The following DHODH variants were observed in gnomAD, a reference collection of about 807,000 sequenced individuals.
The protein encoded by DHODH is dihydroorotate dehydrogenase (quinone), mitochondrial.
In DHODH, 30 loss-of-function variants were observed where a neutral mutation model predicts 39.7. The observed-to-expected ratio is 0.76, with a 90% CI of 0.57 to 1.02. The LOEUF is 1.02. Among genes scored for constraint, DHODH ranks in the 50% least tolerant of loss-of-function variants. DHODH has a pLI of 0.00. For missense variants in DHODH, 531 were observed against 520.8 expected (o/e 1.02, Z -0.19); for synonymous variants, 222 against 213.8 (o/e 1.04, Z -0.34).
In DHODH at chr16:72,017,770, CTTTT is replaced by C. The variant is rs71153696; in HGVS notation, c.517+679_517+682del. Among the ~76,000 whole-genome samples, 63 of 103,802 alleles carry C rather than the reference CTTTT, an allele frequency of 6.1e-4. 1 individual carries two copies. The highest frequency in any genetic ancestry group is 7.2e-3 in the Middle Eastern group (1 of 138). 68.1% of individuals were successfully genotyped at this position (103,802 alleles called of 152,430 possible). ...CTCTAAAAAAACCAAAAACAACATG[CTTTT>C]TTTTTTTTTTTTTTGAGACGGAGTC... On this transcript the variant is annotated intron_variant, in intron 4 of 8. Transcript: ENST00000219240.
At chr16:72,014,183 T>G (rs1230517243) in intron 2 of DHODH, among the ~76,000 whole-genome samples, 1 of 152,180 alleles carries the variant, frequency 6.6e-6, no homozygotes, top group Non-Finnish European at 1.5e-5. Flanking sequence ...TCGTCTCCGC[T>G]TCAACCCACG....
intron 3 of DHODH, chr16:72,016,442 T>G (rs981944716): frequency 6.0e-6 from 1 of 167,772 alleles, no homozygotes; most frequent in African/African-American, 2.4e-5. Flanking sequence ...ATGAGAGAAG[T>G]ATGAGATGTT....
intron 1 of DHODH, 86 bp downstream of exon 1, chr16:72,008,871 C>G: frequency 3.9e-6 from 6 of 1,550,256 alleles, no homozygotes; most frequent in Non-Finnish European, 5.2e-6. Context: ...GAGGCATGGA[C>G]CGAAGGCGGC....
Position 72,024,050 on chromosome 16 carries a change from G to A in DHODH, c.1134-95G>A, listed in dbSNP as rs543641795. On this transcript the variant is annotated intron_variant, in intron 8 of 8. Transcript: ENST00000219240. ...AGAGGAAACCAGATGTGCCTGGGCC[G>A]GGATGATGCGTTTCTGGGTGAACGT... is the stretch of plus-strand genomic sequence containing the variant. The A allele has an allele frequency of 1.3e-5, 17 of 1,286,518 alleles. No homozygotes were observed. The Admixed American group carries it at 1.8e-4, about 14-fold the overall frequency. 79.7% of individuals were successfully genotyped at this position (1,286,518 alleles called of 1,614,324 possible).
At chr16:72,017,809 C>T (rs1238509299) in intron 4 of DHODH, among the ~76,000 whole-genome samples, 5 of 124,858 alleles carry the variant, frequency 4.0e-5, no homozygotes, top group Non-Finnish European at 4.8e-5. Context: ...CTCGCTCTGT[C>T]GCCCCAGGCT....
In DHODH at chr16:72,017,070, CG is replaced by C. The variant is rs760002263; in HGVS notation, c.484del (p.Ala162ProfsTer49). 1 of 1,613,838 alleles carries C rather than the reference CG, an allele frequency of 6.2e-7. No homozygotes were observed. Among genetic ancestry groups the C allele is most frequent in the Middle Eastern group, 1.6e-4 (1 of 6,062 alleles). ...GCTTTCAGTGGTGGAACACAGGTTA[CG>C]GGCCAGACAGCAGAAGCAGGCCAAG... ...HGLSVVEHRL[R>X]ARQQKQAKLT... On this transcript the variant is annotated frameshift_variant, in exon 4 of 9. Coordinates refer to ENST00000219240, the MANE Select transcript of DHODH (RefSeq NM_001361.5). LOFTEE classifies it high-confidence loss of function.
intron 2 of DHODH, among the ~76,000 whole-genome samples, chr16:72,012,901 C>T (rs1274450489): frequency 3.3e-5 from 5 of 152,190 alleles, no homozygotes; most frequent in South Asian, 4.1e-4. Flanking sequence ...CCAGTGTCAG[C>T]GGAAGGCTAA....
chr16:72,016,961 G>A (rs888748336), intron 3 of DHODH, 63 bp from the exon 4 acceptor site: 50 of 1,448,446 alleles, frequency 3.5e-5, no homozygotes, highest in Non-Finnish European at 4.6e-5. Context: ...AAAGTCCTAA[G>A]TGTATGGGAA....
chr16:72,027,122 G>C lies in DHODH; in HGVS notation c.*2923G>C, dbSNP rs867820610. On this transcript the variant is annotated 3_prime_UTR_variant, in exon 9 of 9. Coordinates refer to ENST00000219240, the MANE Select transcript of DHODH (RefSeq NM_001361.5). Reference sequence around the variant, plus strand: ...CACTATTCTCCTGCCTCAGCCTCCCGAGTAGCTGGGACTACAGGCGCCTGC... The same window carrying C: ...CACTATTCTCCTGCCTCAGCCTCCCCAGTAGCTGGGACTACAGGCGCCTGC... 1.3e-5 allele frequency: 2 copies of C among 152,144 alleles called. No homozygotes were observed. Among genetic ancestry groups the C allele is most frequent in the African/African-American group, 4.8e-5 (2 of 41,364 alleles). The allele number at this position is 152,144 out of a possible 1,614,324, so 9.4% of individuals were successfully genotyped here.
intron 1 of DHODH, among the ~76,000 whole-genome samples, chr16:72,011,634 A>G (rs552290825): frequency 6.6e-6 from 1 of 152,332 alleles, no homozygotes; most frequent in East Asian, 1.9e-4. Context: ...GATAATTTTT[A>G]CCCACACAAA....
intron 1 of DHODH, among the ~76,000 whole-genome samples, chr16:72,011,466 C>A (rs1310528882): frequency 6.6e-6 from 1 of 152,178 alleles, no homozygotes; most frequent in Non-Finnish European, 1.5e-5. Context: ...TAAAGAGGCT[C>A]TATCTCTTCA....
intron 1 of DHODH, among the ~76,000 whole-genome samples, chr16:72,009,854 G>GCCT (rs1032205123): frequency 2.0e-5 from 3 of 152,154 alleles, no homozygotes; most frequent in Non-Finnish European, 4.4e-5. Flanking sequence ...CACCTCGTGA[G>GCCT]CCTCCCAAAG....
intron 3 of DHODH, among the ~76,000 whole-genome samples, chr16:72,015,339 C>T (rs1597394699): frequency 6.6e-6 from 1 of 152,252 alleles, no homozygotes; most frequent in South Asian, 2.1e-4. Context: ...TTGGCTAGCA[C>T]AGCCCCAGCC....
rs902974518 is a variant in DHODH, at chr16:72,019,776, G to A, written c.518-1348G>A. ...GTACCCTCAGTTATTATATGAGGGA[G>A]AGTCCCTTTCCTCAGAGAACTAAAA... is the stretch of plus-strand genomic sequence containing the variant. On this transcript the variant is annotated intron_variant, in intron 4 of 8. Transcript: ENST00000219240. Among the ~76,000 whole-genome samples the A allele has an allele frequency of 2.0e-5, 3 of 152,214 alleles. 1 individual carries two copies. The highest frequency in any genetic ancestry group is 7.2e-5 in the African/African-American group (3 of 41,442).
chr16:72,023,545 G>A lies in DHODH; in HGVS notation c.1045G>A (p.Ala349Thr). The A allele has an allele frequency of 6.2e-7, 1 of 1,614,104 alleles. No individual in the cohort carries two copies. Among genetic ancestry groups the A allele is most frequent in the Non-Finnish European group, 8.5e-7 (1 of 1,180,046 alleles). The change falls in exon 8 of 9, where the codon GCC becomes ACC. Residue 349 changes from alanine to threonine, a missense_variant. Ala to Thr is a moderately conservative substitution (Grantham distance 58). Transcript: ENST00000219240. ...CGCGCTGGAGAAGATCCGGGCAGGG[G>A]CCTCCCTGGTGCAGCTGTACACGGC... ...QDALEKIRAGASLVQLYTALT... is the reference protein window; with the variant it reads ...QDALEKIRAGTSLVQLYTALT...
chr16:72,012,114 T>C lies in DHODH; in HGVS notation c.86T>C (p.Met29Thr), dbSNP rs1175060634. ...GGACTTCTCTTCGCCTCCTACCTGA[T>C]GGCCACGGGAGATGAGCGTTTCTAT... The part of the protein sequence containing the change: ...GGGLLFASYL[M>T]ATGDERFYAE... The change falls in exon 2 of 9, where the codon ATG becomes ACG. Residue 29 changes from methionine (M) to threonine (T), a missense_variant. Transcript: ENST00000219240. 6.2e-7 allele frequency: 1 copy of C among 1,614,156 alleles called. No homozygotes were observed. Among genetic ancestry groups the C allele is most frequent in the East Asian group, 2.2e-5 (1 of 44,878 alleles).
intron 4 of DHODH, among the ~76,000 whole-genome samples, chr16:72,020,153 G>A (rs112128680): frequency 0.11 from 16,360 of 151,610 alleles, 1,214 homozygotes; most frequent in South Asian, 0.16. Flanking sequence ...GCACATGCGT[G>A]TAATCCCAGC....
At position 72,026,965 on chromosome 16, in the gene DHODH, GTGTGTGTGTGTGTGTGTGTGTGTGTGT is replaced by G; in HGVS notation, c.*2767_*2793del. 4.7e-5 allele frequency: 1 copy of G among 21,236 alleles called. No individual in the cohort carries two copies. The allele number at this position is 21,236 out of a possible 1,614,324, so 1.3% of individuals were successfully genotyped here. The stretch of plus-strand genomic sequence containing the variant: ...ACTACCACACCCAGCTAATTTGTGT[GTGTGTGTGTGTGTGTGTGTGTGTGTGT>G]GTGTGTGTGTGTGTGTGTTTTTGAG... On this transcript the variant is annotated 3_prime_UTR_variant, in exon 9 of 9. Transcript: ENST00000219240.
chr16:72,024,313 G>C lies in DHODH; in HGVS notation c.*114G>C. 9.5e-6 allele frequency: 11 copies of C among 1,163,820 alleles called. No individual in the cohort carries two copies. Among genetic ancestry groups the C allele is most frequent in the Non-Finnish European group, 1.4e-5 (11 of 783,012 alleles). 72.1% of individuals were successfully genotyped at this position (1,163,820 alleles called of 1,614,324 possible). A position where few individuals can be genotyped will look rare whatever the true frequency, so the allele number is the denominator to read the frequency against. On this transcript the variant is annotated 3_prime_UTR_variant, in exon 9 of 9. Transcript: ENST00000219240. Reference sequence around the variant, plus strand: ...TCTTGAGCCATGTCCCCCAGCCATGGCATGGCTGCACTGTAAACGCCAATC... The same window carrying C: ...TCTTGAGCCATGTCCCCCAGCCATGCCATGGCTGCACTGTAAACGCCAATC...
Sources: allele counts gnomAD v4.1 joint callset (sites outside exome capture counted in the v4.1 genomes callset), GRCh38; gene constraint gnomAD v4.1.1; transcripts MANE v1.5; gene names NCBI Gene and HGNC (gene_info 2026-07-23, HGNC 2026-07-21).